The following PDS5B variants were observed in gnomAD, a reference collection of about 807,000 sequenced individuals.
The protein encoded by PDS5B is sister chromatid cohesion protein PDS5 homolog B.
A neutral mutation model predicts 184.1 loss-of-function variants in PDS5B; 51 were observed. The observed-to-expected ratio is 0.28, with a 90% CI of 0.22 to 0.35. The LOEUF is 0.35. PDS5B is among the 10% of genes least tolerant of loss of function. PDS5B has a pLI of 1.00. For synonymous variants in PDS5B, 566 were observed against 569.2 expected (o/e 0.99, Z 0.08); for missense variants, 1,180 against 1,723.3 (o/e 0.68, Z 5.58).
At chr13:32,697,032 C>A (rs984950985) in intron 15 of PDS5B, 130 bp downstream of exon 15, 4 of 556,436 alleles carry the variant, frequency 7.2e-6, no homozygotes, top group Non-Finnish European at 1.2e-5. Flanking sequence ...TAGTGTCTTA[C>A]ATGAGCTAGA....
At chr13:32,672,687 G>A (rs1346503759) in intron 7 of PDS5B, among the ~76,000 whole-genome samples, 1 of 152,158 alleles carries the variant, frequency 6.6e-6, no homozygotes, top group African/African-American at 2.4e-5. Context: ...GGAGATGAAT[G>A]TCCCAGCCCA....
chr13:32,687,399 G>A (rs2140824710), intron 12 of PDS5B, 114 bp downstream of exon 12: 1 of 745,476 alleles, frequency 1.3e-6, no homozygotes, highest in South Asian at 2.2e-5. Flanking sequence ...AGTTTTTAGT[G>A]CAAGGTAATG....
chr13:32,752,298 G>C (rs1008005765), intron 24 of PDS5B, among the ~76,000 whole-genome samples: 8 of 151,946 alleles, frequency 5.3e-5, no homozygotes, highest in Non-Finnish European at 5.9e-5. Context: ...CTTTATCATA[G>C]GTATCTATAT....
At chr13:32,694,763 A>G (rs1951654445) in intron 14 of PDS5B, among the ~76,000 whole-genome samples, 1 of 151,664 alleles carries the variant, frequency 6.6e-6, no homozygotes, top group African/African-American at 2.4e-5. Flanking sequence ...TGTACTACCT[A>G]GTATTTATAA....
intron 33 of PDS5B, among the ~76,000 whole-genome samples, chr13:32,771,350 A>G (rs1379980770): frequency 6.6e-6 from 1 of 152,186 alleles, no homozygotes; most frequent in Non-Finnish European, 1.5e-5. Flanking sequence ...TAAGAGAGGT[A>G]CAGTAAGAAT....
At chr13:32,610,646 A>AT (rs1258213497) in intron 1 of PDS5B, among the ~76,000 whole-genome samples, 6 of 151,084 alleles carry the variant, frequency 4.0e-5, no homozygotes, top group South Asian at 2.1e-4. Flanking sequence ...TAAAAATCTA[A>AT]TTTTTTCCTT....
intron 24 of PDS5B, 27 bp downstream of exon 24, chr13:32,746,127 T>G (rs982432679): frequency 3.8e-6 from 6 of 1,590,360 alleles, no homozygotes; most frequent in Admixed American, 3.4e-5. Context: ...GTACAACTAC[T>G]TTTTGAAGGT....
Position 32,710,014 on chromosome 13 carries a change from G to A in PDS5B, c.2031G>A (p.Leu677=). ...CATTTGAATCATTACTGGCTTGTCT[G>A]AAAATGGATGATGAAAAAGTAGCAG... is the stretch of plus-strand genomic sequence containing the variant. ...AETFESLLAC[L]KMDDEKVAEA... Residue 677 remains leucine (L), a synonymous_variant, in exon 19 of 35, where the codon CTG becomes CTA. Transcript: ENST00000315596. The A allele has an allele frequency of 1.3e-6, 2 of 1,554,796 alleles. No individual in the cohort carries two copies. Among genetic ancestry groups the A allele is most frequent in the Non-Finnish European group, 1.8e-6 (2 of 1,140,906 alleles).
Position 32,775,929 on chromosome 13 carries a change from A to G in PDS5B, c.*877A>G, listed in dbSNP as rs1412082335. 4.0e-6 allele frequency: 1 copy of G among 247,996 alleles called. No homozygotes were observed. The highest frequency in any genetic ancestry group is 8.1e-6 in the Non-Finnish European group (1 of 123,810). The allele number at this position is 247,996 out of a possible 1,614,324, so 15.4% of individuals were successfully genotyped here. A position where few individuals can be genotyped will look rare whatever the true frequency, so the allele number is the denominator to read the frequency against. On this transcript the variant is annotated 3_prime_UTR_variant, in exon 35 of 35. Coordinates refer to ENST00000315596, the MANE Select transcript of PDS5B (RefSeq NM_015032.4). ...TGAGTTTTTAATAGTCTAGAATGTT[A>G]TTGTGTATAGATATTTCCTCTTGAA...
intron 8 of PDS5B, among the ~76,000 whole-genome samples, 156 bp downstream of exon 8, chr13:32,673,512 T>C (rs568095518): frequency 5.7e-4 from 87 of 152,316 alleles, no homozygotes; most frequent in African/African-American, 2.0e-3. Flanking sequence ...TGTCTGTTTG[T>C]GAATCTTTAG....
intron 24 of PDS5B, 83 bp from the exon 25 acceptor site, chr13:32,753,249 A>T: frequency 2.7e-6 from 3 of 1,109,694 alleles, no homozygotes; most frequent in Non-Finnish European, 4.0e-6. Flanking sequence ...TTTACTCTTT[A>T]CTTAAAATAG....
chr13:32,698,510 A>T (rs1951771708), intron 15 of PDS5B, among the ~76,000 whole-genome samples: 1 of 152,144 alleles, frequency 6.6e-6, no homozygotes, highest in Admixed American at 6.6e-5. Context: ...TATCTGTTGT[A>T]CTATAATGTG....
chr13:32,712,677 C>G (rs1952245777), intron 19 of PDS5B, among the ~76,000 whole-genome samples: 1 of 152,144 alleles, frequency 6.6e-6, no homozygotes, highest in Admixed American at 6.5e-5. Flanking sequence ...TGTAAGTGTC[C>G]TATTATTTGC....
intron 13 of PDS5B, chr13:32,688,887 G>C (rs1056931058): frequency 3.3e-5 from 10 of 299,144 alleles, no homozygotes; most frequent in African/African-American, 1.7e-4. Flanking sequence ...TAAGGCATTA[G>C]AAACATTCAT....
chr13:32,724,681 A>C (rs1952838663), intron 19 of PDS5B, among the ~76,000 whole-genome samples: 2 of 152,112 alleles, frequency 1.3e-5, no homozygotes, highest in Non-Finnish European at 2.9e-5. Context: ...TCCTGGTTCA[A>C]GCAATCCTCC....
intron 10 of PDS5B, among the ~76,000 whole-genome samples, chr13:32,683,579 C>G (rs1194476117): frequency 2.0e-5 from 3 of 152,142 alleles, no homozygotes; most frequent in Non-Finnish European, 4.4e-5. Context: ...CTCGGCCTCC[C>G]AAAGTGCTGG....
At chr13:32,735,496 C>G (rs1953300236) in intron 21 of PDS5B, among the ~76,000 whole-genome samples, 166 bp downstream of exon 21, 2 of 152,108 alleles carry the variant, frequency 1.3e-5, no homozygotes, top group South Asian at 4.2e-4. Context: ...TAAGCAAAAC[C>G]ATCTTGAAAC....
At chr13:32,735,803 GTACTAGGTTCTCTGGAGAAT>G (rs1322355136) in intron 21 of PDS5B, among the ~76,000 whole-genome samples, 3 of 152,118 alleles carry the variant, frequency 2.0e-5, no homozygotes, top group Non-Finnish European at 1.5e-5. Flanking sequence ...TGACAGCACT[GTACTAGGTTCTCTGGAGAAT>G]TAAAAGAAAC....
chr13:32,639,099 T>G (rs1036135911), intron 1 of PDS5B, among the ~76,000 whole-genome samples: 3 of 120,412 alleles, frequency 2.5e-5, no homozygotes, highest in Non-Finnish European at 4.8e-5. Context: ...TACTAATCAC[T>G]CAATAAATGA....
Sources: allele counts gnomAD v4.1 joint callset (sites outside exome capture counted in the v4.1 genomes callset), GRCh38; gene constraint gnomAD v4.1.1; transcripts MANE v1.5; gene names NCBI Gene and HGNC (gene_info 2026-07-23, HGNC 2026-07-21).